The following CDH13 variants were observed in gnomAD, a reference collection of about 807,000 sequenced individuals.
The protein encoded by CDH13 is cadherin 13, also known as cadherin-13.
Under a neutral mutation model 63.8 loss-of-function variants are expected in CDH13, and 24 were observed. That is an observed-to-expected ratio of 0.38 (90% CI 0.27 to 0.53). The LOEUF (loss-of-function observed/expected upper bound fraction) is 0.53. Ranked by LOEUF, CDH13 falls within the 20% of genes least tolerant of loss-of-function variation. The probability of loss-of-function intolerance (pLI) is 0.85; values close to 1 mark genes in which losing one functional copy is unlikely to be tolerated. For synonymous variants in CDH13, 503 were observed against 355.3 expected, an observed-to-expected ratio of 1.42 and a Z score of -4.67; for missense variants, 1,049 against 903.1, an observed-to-expected ratio of 1.16 and a Z score of -2.07.
chr16:82,741,182 T>C (rs1219444378), intron 1 of CDH13, among the ~76,000 whole-genome samples: 7 of 152,222 alleles, frequency 4.6e-5, no homozygotes, highest in African/African-American at 9.7e-5. Flanking sequence ...TGAATCCCTG[T>C]TGCCATTGAT....
At position 83,510,734 on chromosome 16, in the gene CDH13, C is replaced by T. The variant is rs113779272; in HGVS notation, c.960+24079C>T. On this transcript the variant is annotated intron_variant, in intron 7 of 13. Transcript: ENST00000567109. Reference sequence around the variant, plus strand: ...CTAGATAGAGCCAAACTGTCTAAGCCAAAGGGGGTTTGGGTTTCTTTCACC... The same window carrying T: ...CTAGATAGAGCCAAACTGTCTAAGCTAAAGGGGGTTTGGGTTTCTTTCACC... Among the ~76,000 whole-genome samples the T allele has an allele frequency of 3.3e-5, 5 of 152,302 alleles. 1 individual carries two copies. The highest frequency in any genetic ancestry group is 1.2e-4 in the African/African-American group (5 of 41,552).
intron 1 of CDH13, among the ~76,000 whole-genome samples, chr16:82,673,905 G>A (rs1477045981): frequency 6.6e-5 from 10 of 152,308 alleles, no homozygotes; most frequent in African/African-American, 1.9e-4. Flanking sequence ...ATCCAGGTCC[G>A]GCAATGTGTG....
intron 5 of CDH13, among the ~76,000 whole-genome samples, chr16:83,298,389 A>C (rs1041491064): frequency 3.3e-4 from 50 of 152,180 alleles, no homozygotes; most frequent in African/African-American, 1.2e-3. Context: ...TGAAAGCAGT[A>C]TTTCTCCCTG....
intron 5 of CDH13, among the ~76,000 whole-genome samples, chr16:83,333,921 G>C (rs1182801168): frequency 6.6e-6 from 1 of 152,172 alleles, no homozygotes; most frequent in Non-Finnish European, 1.5e-5. Context: ...ACCACACAGT[G>C]ACTCAAAACA....
At chr16:82,701,334 A>C (rs1180311596) in intron 1 of CDH13, among the ~76,000 whole-genome samples, 1 of 151,764 alleles carries the variant, frequency 6.6e-6, no homozygotes, top group Non-Finnish European at 1.5e-5. Flanking sequence ...CCAACTTATA[A>C]TTTTTCTACA....
At chr16:82,745,269 G>A (rs76679521) in intron 1 of CDH13, among the ~76,000 whole-genome samples, 15,626 of 152,148 alleles carry the variant, frequency 0.1, 934 homozygotes, top group East Asian at 0.25. Context: ...AGAAATCCAA[G>A]CTTCAGTAGC....
chr16:83,295,717 G>C (rs542448350), intron 5 of CDH13, among the ~76,000 whole-genome samples: 6 of 152,276 alleles, frequency 3.9e-5, no homozygotes, highest in African/African-American at 1.4e-4. Flanking sequence ...CTTGCCCACT[G>C]TTGATGGGAA....
intron 6 of CDH13, among the ~76,000 whole-genome samples, chr16:83,423,626 G>T (rs1454151207): frequency 6.6e-6 from 1 of 152,168 alleles, no homozygotes; most frequent in Non-Finnish European, 1.5e-5. Flanking sequence ...TGAAGAATGG[G>T]GTTGTAAATA....
At chr16:82,927,327 T>C (rs2042336503) in intron 2 of CDH13, among the ~76,000 whole-genome samples, 1 of 152,192 alleles carries the variant, frequency 6.6e-6, no homozygotes, top group Non-Finnish European at 1.5e-5. Context: ...CACCATTACC[T>C]TGCATCGTGA....
At chr16:83,131,729 C>T (rs1003411303) in intron 4 of CDH13, among the ~76,000 whole-genome samples, 1 of 152,094 alleles carries the variant, frequency 6.6e-6, no homozygotes, top group Non-Finnish European at 1.5e-5. Context: ...CATCACAAAC[C>T]CTTTTCATCA....
chr16:83,093,558 GA>G (rs2034038488), intron 3 of CDH13, among the ~76,000 whole-genome samples: 1 of 151,966 alleles, frequency 6.6e-6, no homozygotes, highest in Non-Finnish European at 1.5e-5. Context: ...GACCTCAGGT[GA>G]TCCACCTACC....
At chr16:83,148,869 C>CAA (rs150630974) in intron 4 of CDH13, among the ~76,000 whole-genome samples, 2 of 150,978 alleles carry the variant, frequency 1.3e-5, no homozygotes, top group East Asian at 1.9e-4. Context: ...CCTTTTTATA[C>CAA]AAAAAAAAGG....
At chr16:83,788,449 T>A (rs1916031146) in intron 13 of CDH13, among the ~76,000 whole-genome samples, 1 of 141,730 alleles carries the variant, frequency 7.1e-6, no homozygotes, top group Non-Finnish European at 1.5e-5. Flanking sequence ...ATATATTAAG[T>A]ATTAGTAAAC....
rs180691252 is a variant in CDH13, at chr16:83,503,250, C to G, written c.960+16595C>G. ...TTTTTTCCCCTCCCAAATTAGAACT[C>G]CTAAGAAATACAGGACAACTGGAGA... On this transcript the variant is annotated intron_variant, in intron 7 of 13. Coordinates refer to ENST00000567109, the MANE Select transcript of CDH13 (RefSeq NM_001257.5). Among the ~76,000 whole-genome samples the G allele has an allele frequency of 2.5e-3, 379 of 152,308 alleles. 1 individual carries two copies. The highest frequency in any genetic ancestry group is 4.2e-3 in the Non-Finnish European group (288 of 68,030).
At chr16:83,422,221 T>C (rs1427636654) in intron 6 of CDH13, among the ~76,000 whole-genome samples, 1 of 152,250 alleles carries the variant, frequency 6.6e-6, no homozygotes, top group East Asian at 1.9e-4. Flanking sequence ...TAAGTTGTAC[T>C]GTATAAAAAT....
chr16:83,180,302 G>T (rs781734163), intron 4 of CDH13, among the ~76,000 whole-genome samples: 2 of 151,944 alleles, frequency 1.3e-5, no homozygotes, highest in Non-Finnish European at 2.9e-5. Flanking sequence ...AAATGCAAAT[G>T]AAAAAATCAG....
chr16:82,668,404 G>A (rs1912858303), intron 1 of CDH13, among the ~76,000 whole-genome samples: 1 of 152,148 alleles, frequency 6.6e-6, no homozygotes, highest in African/African-American at 2.4e-5. Context: ...TTCATTCCAT[G>A]AGGGGTAAAA....
At chr16:83,301,981 A>AAG (rs1231956883) in intron 5 of CDH13, among the ~76,000 whole-genome samples, 2 of 151,726 alleles carry the variant, frequency 1.3e-5, no homozygotes, top group East Asian at 3.9e-4. Flanking sequence ...AAAAAAAAAA[A>AAG]GAGTTAAGGA....
At chr16:83,530,964 C>A (rs1411663189) in intron 7 of CDH13, among the ~76,000 whole-genome samples, 1 of 152,158 alleles carries the variant, frequency 6.6e-6, no homozygotes, top group African/African-American at 2.4e-5. Context: ...TTCGCTGGGT[C>A]CTTTGATGTC....
Sources: allele counts gnomAD v4.1 joint callset (sites outside exome capture counted in the v4.1 genomes callset), GRCh38; gene constraint gnomAD v4.1.1; transcripts MANE v1.5; gene names NCBI Gene and HGNC (gene_info 2026-07-23, HGNC 2026-07-21).